SERINC4: variants seen among roughly 807,000 people sequenced by gnomAD.
The protein encoded by SERINC4 is serine incorporator 4.
In SERINC4, 52 loss-of-function variants were observed where a neutral mutation model predicts 52.0. That is an observed-to-expected ratio of 1.00 (90% CI 0.80 to 1.26). The LOEUF is 1.26. SERINC4 is among the 50% of genes most tolerant of loss of function. SERINC4 has a pLI of 0.00. For synonymous variants in SERINC4, 264 were observed against 247.7 expected (o/e 1.07, Z -0.62); for missense variants, 723 against 632.8 (o/e 1.14, Z -1.53).
Position 43,794,904 on chromosome 15 carries a change from C to T in SERINC4, c.*96G>A. The T allele has an allele frequency of 1.1e-6, 1 of 916,728 alleles. No homozygotes were observed. Among genetic ancestry groups the T allele is most frequent in the Non-Finnish European group, 1.7e-6 (1 of 596,362 alleles). The allele number at this position is 916,728 out of a possible 1,614,324, so 56.8% of individuals were successfully genotyped here. A position where few individuals can be genotyped will look rare whatever the true frequency, so the allele number is the denominator to read the frequency against. ...CTTCAGCCCAAACGGAGATAACTCC[C>T]TGTGTGTCCTTGAGGTATTGAGCTG... On this transcript the variant is annotated 3_prime_UTR_variant, in exon 12 of 12. Transcript: ENST00000319327.
At chr15:43,795,988 G>C (rs2087206468) in intron 9 of SERINC4, 167 bp downstream of exon 9, 1 of 657,844 alleles carries the variant, frequency 1.5e-6, no homozygotes, top group African/African-American at 1.8e-5. Context: ...TAAATTAAAT[G>C]AGATTATGTA....
At chr15:43,795,814 A>T in intron 9 of SERINC4, 78 bp from the exon 10 acceptor site, 1 of 1,476,598 alleles carries the variant, frequency 6.8e-7, no homozygotes, top group Non-Finnish European at 9.3e-7. Flanking sequence ...CCCCGTGAAA[A>T]GATTGGTCTA....
intron 10 of SERINC4, 38 bp from the exon 11 acceptor site, chr15:43,795,579 G>C (rs1003110455): frequency 1.2e-6 from 2 of 1,613,392 alleles, no homozygotes; most frequent in East Asian, 4.5e-5. Flanking sequence ...CAGAGCTGCT[G>C]AAACACCTCT....
At chr15:43,798,770 A>G in intron 3 of SERINC4, 189 bp downstream of exon 3, 1 of 644,668 alleles carries the variant, frequency 1.6e-6, no homozygotes, top group South Asian at 1.9e-5. Context: ...CCCCACTGTT[A>G]CCTCCATTTT....
In SERINC4 at chr15:43,794,223, T is replaced by G; in HGVS notation, c.*777A>C. The G allele has an allele frequency of 4.9e-5, 22 of 450,122 alleles. No individual in the cohort carries two copies. Among genetic ancestry groups the G allele is most frequent in the Admixed American group, 7.9e-5 (2 of 25,460 alleles). The allele number at this position is 450,122 out of a possible 1,614,324, so 27.9% of individuals were successfully genotyped here. ...ATGACAACCAAACAAGTACTCCGGA[T>G]ATGCAGTAGAGGAATCCTCTAAGAA... On this transcript the variant is annotated 3_prime_UTR_variant, in exon 12 of 12. Transcript: ENST00000319327.
At chr15:43,799,585 A>G (rs1350864579) in intron 1 of SERINC4, 99 bp from the exon 2 acceptor site, 2 of 1,407,260 alleles carry the variant, frequency 1.4e-6, no homozygotes, top group African/African-American at 1.4e-5. Context: ...TTGAATTCCA[A>G]AATTTCCCCT....
Position 43,794,769 on chromosome 15 carries a change from T to C in SERINC4, c.*231A>G. ...TGGTTCTTTGAGCTGCTGATTTGGG[T>C]GTTAGGCTCTTGAGCTGGGATGCAG... On this transcript the variant is annotated 3_prime_UTR_variant, in exon 12 of 12. Coordinates refer to ENST00000319327, the MANE Select transcript of SERINC4 (RefSeq NM_001258031.2). 2.0e-6 allele frequency: 1 copy of C among 494,344 alleles called. No individual in the cohort carries two copies. The highest frequency in any genetic ancestry group is 1.9e-5 in the African/African-American group (1 of 52,570). 30.6% of individuals were successfully genotyped at this position (494,344 alleles called of 1,614,324 possible). A position where few individuals can be genotyped will look rare whatever the true frequency, so the allele number is the denominator to read the frequency against.
At position 43,797,295 on chromosome 15, in the gene SERINC4, A is replaced by C. The variant is rs1295066179; in HGVS notation, c.694T>G (p.Phe232Val). Residue 232 changes from phenylalanine (F) to valine (V), a missense_variant, in exon 6 of 12, where the codon TTC (phenylalanine) becomes GTC (valine). Transcript: ENST00000319327. ...GCTCCCACACCTGCCATGCTGTAGAATCCTAGGGTGGCCAGCAGGACAGCC... is the reference window on the plus strand; with the variant it reads ...GCTCCCACACCTGCCATGCTGTAGACTCCTAGGGTGGCCAGCAGGACAGCC... The part of the protein sequence containing the change: ...FLAVLLATLG[F>V]YSMAGVGAVL... 6.5e-7 allele frequency: 1 copy of C among 1,549,612 alleles called. No homozygotes were observed. Among genetic ancestry groups the C allele is most frequent in the Non-Finnish European group, 8.7e-7 (1 of 1,146,960 alleles).
Position 43,795,406 on chromosome 15 carries a change from G to A in SERINC4, c.1325C>T (p.Thr442Ile). The stretch of plus-strand genomic sequence containing the variant: ...ATCTTACCTGAACCAGTTGGTAAGG[G>A]TAACCATGACATAGAGTGAGGCAAG... ...FFLASLYVMV[T>I]LTNWFSYEGA... Residue 442 changes from threonine (T) to isoleucine (I), a missense_variant, in exon 11 of 12, where the codon ACC becomes ATC. By Grantham distance (89) the Thr-to-Ile change is moderately conservative. Transcript: ENST00000319327. The A allele has an allele frequency of 6.2e-7, 1 of 1,614,210 alleles. No individual in the cohort carries two copies. The highest frequency in any genetic ancestry group is 8.5e-7 in the Non-Finnish European group (1 of 1,180,032).
intron 4 of SERINC4, 78 bp from the exon 5 acceptor site, chr15:43,798,091 C>A: frequency 2.8e-6 from 3 of 1,067,438 alleles, no homozygotes; most frequent in South Asian, 2.7e-5. Flanking sequence ...GCTCTGTCAC[C>A]CAGGCTAGAG....
At chr15:43,797,096 A>G (rs2087231654) in intron 6 of SERINC4, 49 bp downstream of exon 6, 3 of 1,512,664 alleles carry the variant, frequency 2.0e-6, no homozygotes, top group Non-Finnish European at 2.7e-6. Context: ...GAAACTTGCT[A>G]TGCTTTTAAG....
chr15:43,795,129 G>A lies in SERINC4; in HGVS notation c.1428C>T (p.Cys476=), dbSNP rs531821428. ...GTAACAGCCCCAGATAGAGGAGTAC[G>A]CAGGCCCAGCATGAGGCAACCTTGA... The part of the protein sequence containing the change: ...FWVKVASCWA[C]VLLYLGLLLA... The change falls in exon 12 of 12, where the codon TGC becomes TGT. Residue 476 remains cysteine (C), a synonymous_variant. Transcript: ENST00000319327. The A allele has an allele frequency of 1.1e-5, 17 of 1,614,062 alleles. 1 individual carries two copies. In the Admixed American group the frequency reaches 1.3e-4, roughly 13 times the overall value.
chr15:43,799,343 T>G lies in SERINC4; in HGVS notation c.246A>C (p.Thr82=), dbSNP rs1181158554. The part of the protein sequence containing the change: ...SAICCLLLSR[T]VVERVWGKTH... Reference sequence around the variant, plus strand: ...TCTTGCCCCACACCCTTTCCACTACTGTCCTTGACAGCAGGAGGCAGCAGA... The same window carrying G: ...TCTTGCCCCACACCCTTTCCACTACGGTCCTTGACAGCAGGAGGCAGCAGA... The change falls in exon 2 of 12, where the codon ACA becomes ACC. Residue 82 remains threonine (T), a synonymous_variant. Transcript: ENST00000319327. The G allele has an allele frequency of 1.3e-6, 2 of 1,551,136 alleles. No individual in the cohort carries two copies. The highest frequency in any genetic ancestry group is 8.7e-7 in the Non-Finnish European group (1 of 1,147,112).
intron 11 of SERINC4, 58 bp downstream of exon 11, chr15:43,795,330 C>T (rs2087183328): frequency 6.2e-7 from 1 of 1,606,160 alleles, no homozygotes; most frequent in Non-Finnish European, 8.5e-7. Context: ...CCTTGAATTG[C>T]TCTTTCCTTA....
rs1417035608 is a variant in SERINC4 at position 43,797,914 on chromosome 15, C to G, written c.632+6G>C. 1.2e-5 allele frequency: 19 copies of G among 1,606,694 alleles called. No homozygotes were observed. Among genetic ancestry groups the G allele is most frequent in the Non-Finnish European group, 1.6e-5 (19 of 1,173,454 alleles). On this transcript the variant is annotated splice_donor_region_variant and intron_variant, in intron 5 of 11. Transcript: ENST00000319327. The stretch of plus-strand genomic sequence containing the variant: ...GGAAAAGCCTTTAGGGTTATGTGCC[C>G]CTTACCAGTTCTTGTTCCAGGAATG...
chr15:43,795,596 C>T (rs1203456323), intron 10 of SERINC4, 55 bp from the exon 11 acceptor site: 12 of 1,611,744 alleles, frequency 7.4e-6, no homozygotes, highest in Non-Finnish European at 1.0e-5. Context: ...CTCTTCCCCT[C>T]TCCCCCAACT....
chr15:43,798,010 C>A lies in SERINC4; in HGVS notation c.542G>T (p.Trp181Leu). ...GCCTCCACAGATGCCAATGTAATGC[C>A]ATGCTGCAAGATGGGCACCAGTGGA... is the stretch of plus-strand genomic sequence containing the variant. ...CIPDEHLFPA[W>L]HYIGICGGFA... The change falls in exon 5 of 12, where the codon TGG becomes TTG. Residue 181 changes from tryptophan (W) to leucine (L), a missense_variant. Coordinates refer to ENST00000319327, the MANE Select transcript of SERINC4 (RefSeq NM_001258031.2). The A allele has an allele frequency of 6.2e-7, 1 of 1,610,722 alleles. No homozygotes were observed. Among genetic ancestry groups the A allele is most frequent in the Middle Eastern group, 1.7e-4 (1 of 6,046 alleles).
chr15:43,795,011 G>A lies in SERINC4; in HGVS notation c.1546C>T (p.Pro516Ser), dbSNP rs1012744412. 1.2e-6 allele frequency: 2 copies of A among 1,603,774 alleles called. No individual in the cohort carries two copies. The highest frequency in any genetic ancestry group is 8.5e-7 in the Non-Finnish European group (1 of 1,175,458). ...HRIISPDNKYPPV is the reference protein window; with the variant it reads ...HRIISPDNKYSPV ...TTTGTGAAAAGGACTTAGACTGGAGGATATTTGTTATCTGGGGATATGATG... is the reference window on the plus strand; with the variant it reads ...TTTGTGAAAAGGACTTAGACTGGAGAATATTTGTTATCTGGGGATATGATG... Residue 516 changes from proline (P) to serine (S), a missense_variant, in exon 12 of 12, where the codon CCT (proline) becomes TCT (serine). Pro to Ser is a moderately conservative substitution (Grantham distance 74). Transcript: ENST00000319327.
Position 43,798,458 on chromosome 15 carries a change from C to CAATA in SERINC4, c.501_504dup (p.Ala169TyrfsTer7), listed in dbSNP as rs1413219880. On this transcript the variant is annotated frameshift_variant, in exon 4 of 12. Coordinates refer to ENST00000319327, the MANE Select transcript of SERINC4 (RefSeq NM_001258031.2). LOFTEE classifies it high-confidence loss of function. ...AGATGCTCATCAGGAATGCAGAAGG[C>CAATA]AATAGCACAGAGACCTAACAGGAAC... 7 of 1,613,698 alleles carry CAATA rather than the reference C, an allele frequency of 4.3e-6. No individual in the cohort carries two copies. Among genetic ancestry groups the CAATA allele is most frequent in the Admixed American group, 1.7e-5 (1 of 59,968 alleles).
Sources: allele counts gnomAD v4.1 joint callset, GRCh38; gene constraint gnomAD v4.1.1; transcripts MANE v1.5; gene names NCBI Gene and HGNC (gene_info 2026-07-23, HGNC 2026-07-21).